AUTS2: variants seen among roughly 807,000 people sequenced by gnomAD.
AUTS2 encodes activator of transcription and developmental regulator AUTS2, also known as autism susceptibility gene 2 protein.
AUTS2 carries 17 observed loss-of-function variants against 112.4 expected under a neutral mutation model. That is an observed-to-expected ratio of 0.15 (90% CI 0.10 to 0.23). The LOEUF (loss-of-function observed/expected upper bound fraction) is 0.23. AUTS2 is among the 10% of genes least tolerant of loss of function. The pLI is 1.00. For missense variants in AUTS2, 1,510 were observed against 1,701.6 expected (o/e 0.89, Z 1.98); for synonymous variants, 751 against 702.7 (o/e 1.07, Z -1.09).
chr7:69,639,314 G>C (rs773885465), intron 1 of AUTS2, among the ~76,000 whole-genome samples: 1 of 152,124 alleles, frequency 6.6e-6, no homozygotes, highest in Non-Finnish European at 1.5e-5. Flanking sequence ...GATTCAAACA[G>C]GAGCAAAACT....
At chr7:69,893,832 A>G (rs1562954520) in intron 1 of AUTS2, among the ~76,000 whole-genome samples, 2 of 152,168 alleles carry the variant, frequency 1.3e-5, no homozygotes, top group African/African-American at 4.8e-5. Flanking sequence ...TTCATCTGCT[A>G]TTTGTTACTC....
intron 1 of AUTS2, among the ~76,000 whole-genome samples, chr7:69,737,656 CAG>C (rs1787091002): frequency 6.6e-6 from 1 of 152,142 alleles, no homozygotes; most frequent in African/African-American, 2.4e-5. Flanking sequence ...GTCATAGCCA[CAG>C]GGGGATGTTT....
intron 2 of AUTS2, among the ~76,000 whole-genome samples, chr7:70,039,933 A>G (rs948786338): frequency 6.6e-6 from 1 of 152,210 alleles, no homozygotes; most frequent in Non-Finnish European, 1.5e-5. Flanking sequence ...CTCTTCTCTC[A>G]AGGAGCTCAC....
intron 5 of AUTS2, among the ~76,000 whole-genome samples, chr7:70,543,602 G>A (rs540191750): frequency 6.3e-4 from 95 of 151,654 alleles, no homozygotes; most frequent in African/African-American, 2.2e-3. Flanking sequence ...CACCTAAGTT[G>A]TTGCTCCAGC....
At chr7:70,611,972 A>G (rs1472074429) in intron 5 of AUTS2, among the ~76,000 whole-genome samples, 2 of 152,208 alleles carry the variant, frequency 1.3e-5, no homozygotes, top group Non-Finnish European at 2.9e-5. Flanking sequence ...GCTTACTTGA[A>G]GCATTTCTCT....
intron 4 of AUTS2, among the ~76,000 whole-genome samples, chr7:70,230,267 T>C (rs575253351): frequency 6.6e-6 from 1 of 152,174 alleles, no homozygotes; most frequent in Non-Finnish European, 1.5e-5. Flanking sequence ...TGTTTTTGCT[T>C]GTTTTGGGTT....
intron 4 of AUTS2, among the ~76,000 whole-genome samples, chr7:70,327,362 A>G (rs1186393422): frequency 6.6e-6 from 1 of 152,218 alleles, no homozygotes; most frequent in African/African-American, 2.4e-5. Flanking sequence ...CCCCAGGAGC[A>G]GGTCTTCTCA....
chr7:70,042,654 A>G (rs1801298864), intron 2 of AUTS2, among the ~76,000 whole-genome samples: 1 of 152,152 alleles, frequency 6.6e-6, no homozygotes, highest in Admixed American at 6.5e-5. Context: ...GTTTAGTTCT[A>G]TTTCACAATC....
At chr7:70,115,890 A>C (rs1805333055) in intron 2 of AUTS2, among the ~76,000 whole-genome samples, 2 of 152,226 alleles carry the variant, frequency 1.3e-5, no homozygotes, top group South Asian at 4.1e-4. Context: ...AGCTTTAAAA[A>C]ACATCTTGAC....
intron 15 of AUTS2, chr7:70,782,937 T>TGTCA (rs1341123908): frequency 6.6e-6 from 1 of 152,262 alleles, no homozygotes; most frequent in Admixed American, 6.5e-5. Context: ...GGTTTTTCTC[T>TGTCA]GTCAGTGCTG....
At chr7:70,344,696 G>A (rs1417549862) in intron 4 of AUTS2, among the ~76,000 whole-genome samples, 1 of 152,170 alleles carries the variant, frequency 6.6e-6, no homozygotes, top group Non-Finnish European at 1.5e-5. Context: ...AAGCAAAGAT[G>A]ACATTTGGCT....
chr7:70,265,579 G>A (rs193108017), intron 4 of AUTS2, among the ~76,000 whole-genome samples: 1 of 152,180 alleles, frequency 6.6e-6, no homozygotes, highest in East Asian at 1.9e-4. Context: ...TTGTTTGTTT[G>A]TTTCATTAAT....
chr7:70,732,273 G>T (rs936054616), intron 6 of AUTS2, among the ~76,000 whole-genome samples: 6 of 152,058 alleles, frequency 3.9e-5, no homozygotes, highest in African/African-American at 9.7e-5. Flanking sequence ...AGATTGGTTC[G>T]TGCATCAGAA....
intron 6 of AUTS2, among the ~76,000 whole-genome samples, chr7:70,714,362 T>C (rs1034201974): frequency 1.3e-5 from 2 of 152,232 alleles, no homozygotes; most frequent in African/African-American, 4.8e-5. Context: ...TTTTAAAGCA[T>C]GTCTCAGACT....
intron 1 of AUTS2, among the ~76,000 whole-genome samples, chr7:69,685,621 T>G (rs966787429): frequency 6.6e-6 from 1 of 152,194 alleles, no homozygotes; most frequent in East Asian, 1.9e-4. Flanking sequence ...CAGATGATTT[T>G]CAGACAAAAG....
intron 5 of AUTS2, among the ~76,000 whole-genome samples, chr7:70,639,616 C>CAAAAAAAAA (rs5884790): frequency 8.0e-5 from 6 of 75,074 alleles, no homozygotes; most frequent in African/African-American, 2.9e-4. Context: ...GACCCTGTCT[C>CAAAAAAAAA]AAAAAAAAAA....
At chr7:70,753,322 G>A (rs1788984636) in intron 6 of AUTS2, among the ~76,000 whole-genome samples, 2 of 152,130 alleles carry the variant, frequency 1.3e-5, no homozygotes, top group African/African-American at 4.8e-5. Flanking sequence ...AGAGGTTTGT[G>A]ATACAGACTT....
At chr7:70,702,728 G>A (rs1380995199) in intron 6 of AUTS2, among the ~76,000 whole-genome samples, 1 of 152,118 alleles carries the variant, frequency 6.6e-6, no homozygotes, top group Non-Finnish European at 1.5e-5. Context: ...CCATCAGCCT[G>A]GGAGGTTCTA....
intron 4 of AUTS2, among the ~76,000 whole-genome samples, chr7:70,332,313 G>A (rs1228913535): frequency 6.6e-6 from 1 of 152,052 alleles, no homozygotes; most frequent in Admixed American, 6.6e-5. Context: ...AAATAAGAGA[G>A]GACACAAACA....
Sources: gnomAD v4.1 joint callset for allele counts (sites outside exome capture counted in the v4.1 genomes callset) on GRCh38, gnomAD v4.1.1 for gene constraint, MANE v1.5 for transcripts, NCBI Gene and HGNC (gene_info 2026-07-23, HGNC 2026-07-21) for gene names.